AGBL1: variants seen among roughly 807,000 people sequenced by gnomAD.
AGBL1 encodes the protein cytosolic carboxypeptidase 4.
Under a neutral mutation model 118.9 loss-of-function variants are expected in AGBL1, and 130 were observed. The ratio of observed to expected loss-of-function variants is 1.09; its 90% CI spans 0.95 to 1.26. The LOEUF (loss-of-function observed/expected upper bound fraction) is 1.26, where lower values mean the gene tolerates loss of function less well. Ranked by LOEUF, AGBL1 falls within the 50% of genes most tolerant of loss-of-function variation. AGBL1 has a pLI of 0.00. For synonymous variants in AGBL1, 555 were observed against 478.9 expected, an observed-to-expected ratio of 1.16 and a Z score of -2.08; for missense variants, 1,584 against 1,298.1, an observed-to-expected ratio of 1.22 and a Z score of -3.38.
chr15:86,237,607 G>T lies in AGBL1; in HGVS notation c.527-10064G>T, dbSNP rs144442447. Among the ~76,000 whole-genome samples the T allele has an allele frequency of 2.3e-3, 345 of 152,300 alleles. 1 individual carries two copies. Among genetic ancestry groups the T allele is most frequent in the African/African-American group, 8.0e-3 (333 of 41,548 alleles). Reference sequence around the variant, plus strand: ...TTTTCTAGACCTGGAAGGGATAATGGCTTGTCTTGGGGTTTAGCAAGTACT... The same window carrying T: ...TTTTCTAGACCTGGAAGGGATAATGTCTTGTCTTGGGGTTTAGCAAGTACT... On this transcript the variant is annotated intron_variant, in intron 6 of 22. Transcript: ENST00000614907.
At chr15:86,883,857 T>C (rs2079931203) in intron 22 of AGBL1, among the ~76,000 whole-genome samples, 1 of 152,202 alleles carries the variant, frequency 6.6e-6, no homozygotes, top group African/African-American at 2.4e-5. Context: ...AGGATTTATA[T>C]GGCCTAGGCA....
intron 17 of AGBL1, among the ~76,000 whole-genome samples, chr15:86,371,308 A>C (rs1461781659): frequency 1.3e-5 from 2 of 152,178 alleles, no homozygotes; most frequent in East Asian, 3.8e-4. Context: ...TGGGGCCTGG[A>C]GCAAAGTCAG....
intron 23 of AGBL1, among the ~76,000 whole-genome samples, chr15:86,978,322 C>T (rs1315690753): frequency 6.6e-6 from 1 of 152,160 alleles, no homozygotes; most frequent in Non-Finnish European, 1.5e-5. Context: ...GACCAGATAG[C>T]ACAAAGCGAT....
chr15:86,649,796 GC>G (rs2085341149), intron 21 of AGBL1, among the ~76,000 whole-genome samples: 1 of 146,858 alleles, frequency 6.8e-6, no homozygotes, highest in South Asian at 2.1e-4. Context: ...ATAATATAAT[GC>G]CTATGTGTGG....
chr15:86,282,917 T>C (rs2079378096), intron 16 of AGBL1, among the ~76,000 whole-genome samples: 1 of 152,222 alleles, frequency 6.6e-6, no homozygotes, highest in African/African-American at 2.4e-5. Context: ...GACTTGTATG[T>C]TGAATGTTTT....
In AGBL1 at chr15:86,685,563, G is replaced by A. The variant is rs192665085; in HGVS notation, c.3158+11127G>A. 1.4e-4 allele frequency among the ~76,000 whole-genome samples: 21 copies of A among 152,202 alleles called. No homozygotes were observed. The South Asian group carries it at 2.9e-3, about 21-fold the overall frequency. ...AATAAAATAAGTAGAAGGAAGAGAC[G>A]ATAATGATATAGAATACCATGTGCC... On this transcript the variant is annotated intron_variant, in intron 22 of 22. Transcript: ENST00000614907.
intron 22 of AGBL1, among the ~76,000 whole-genome samples, chr15:86,823,299 T>C (rs958543126): frequency 6.6e-6 from 1 of 152,136 alleles, no homozygotes; most frequent in Non-Finnish European, 1.5e-5. Flanking sequence ...GATATGGACA[T>C]TGGACGAATA....
At chr15:87,026,289 A>C (rs2081725912) in intron 24 of AGBL1, among the ~76,000 whole-genome samples, 2 of 152,100 alleles carry the variant, frequency 1.3e-5, no homozygotes, top group South Asian at 4.1e-4. Flanking sequence ...ATCTACAATG[A>C]ACTCAAACAA....
intron 17 of AGBL1, among the ~76,000 whole-genome samples, chr15:86,355,900 C>T (rs1205116819): frequency 6.6e-6 from 1 of 152,196 alleles, no homozygotes; most frequent in Non-Finnish European, 1.5e-5. Context: ...GCTCCTGCTT[C>T]ATTCTTTGCA....
chr15:86,222,257 C>T (rs1450548290), intron 5 of AGBL1, among the ~76,000 whole-genome samples: 2 of 152,172 alleles, frequency 1.3e-5, no homozygotes, highest in African/African-American at 4.8e-5. Flanking sequence ...TTTCCAGCAG[C>T]ATTCCAAACA....
At chr15:86,167,704 A>G (rs1416120780) in intron 5 of AGBL1, among the ~76,000 whole-genome samples, 2 of 152,196 alleles carry the variant, frequency 1.3e-5, no homozygotes, top group South Asian at 2.1e-4. Flanking sequence ...TGTTTAGCAG[A>G]GACAAGCCAA....
intron 17 of AGBL1, among the ~76,000 whole-genome samples, chr15:86,333,624 A>AT (rs2080312016): frequency 6.6e-6 from 1 of 152,344 alleles, no homozygotes; most frequent in South Asian, 2.1e-4. Context: ...GCTGGTCTCA[A>AT]TTCTACTGAA....
intron 21 of AGBL1, among the ~76,000 whole-genome samples, chr15:86,639,683 G>C (rs1596329045): frequency 6.6e-6 from 1 of 152,144 alleles, no homozygotes; most frequent in East Asian, 1.9e-4. Context: ...AATGTCCACT[G>C]ACAAAGTCTG....
intron 21 of AGBL1, among the ~76,000 whole-genome samples, chr15:86,602,577 G>T (rs2084513243): frequency 6.6e-6 from 1 of 152,120 alleles, no homozygotes; most frequent in African/African-American, 2.4e-5. Flanking sequence ...CATACGAAAA[G>T]ATTTGTAGTG....
chr15:86,254,860 C>T (rs1426632405), intron 7 of AGBL1, among the ~76,000 whole-genome samples: 1 of 152,180 alleles, frequency 6.6e-6, no homozygotes, highest in Admixed American at 6.5e-5. Context: ...CACCTTGAAA[C>T]CAATGATCTT....
chr15:86,548,610 T>A (rs1393762932), intron 20 of AGBL1, among the ~76,000 whole-genome samples: 1 of 151,072 alleles, frequency 6.6e-6, no homozygotes, highest in Non-Finnish European at 1.5e-5. Context: ...TATGTGGTCA[T>A]CAAGAAATGC....
chr15:86,638,369 C>G (rs147947023), intron 21 of AGBL1, among the ~76,000 whole-genome samples: 2 of 152,146 alleles, frequency 1.3e-5, no homozygotes, highest in African/African-American at 2.4e-5. Context: ...TCCAAGGAAG[C>G]GATGTGCTGC....
chr15:86,221,220 T>C, intron 5 of AGBL1, among the ~76,000 whole-genome samples: 1 of 151,668 alleles, frequency 6.6e-6, no homozygotes, highest in African/African-American at 2.4e-5. Context: ...AAATAAAAAA[T>C]GAAAAGAAGT....
chr15:86,973,610 A>T (rs1332639413), intron 23 of AGBL1, among the ~76,000 whole-genome samples: 3 of 151,840 alleles, frequency 2.0e-5, no homozygotes. Flanking sequence ...TATGCTAACT[A>T]CTGTGAGAAG....
Sources: gnomAD v4.1 joint callset for allele counts (sites outside exome capture counted in the v4.1 genomes callset) on GRCh38, gnomAD v4.1.1 for gene constraint, MANE v1.5 for transcripts, NCBI Gene and HGNC (gene_info 2026-07-23, HGNC 2026-07-21) for gene names.